HNF1B: variants seen among roughly 807,000 people sequenced by gnomAD.
The protein encoded by HNF1B is hepatocyte nuclear factor 1-beta.
A neutral mutation model predicts 61.7 loss-of-function variants in HNF1B; 8 were observed. The observed-to-expected ratio is 0.13, with a 90% CI of 0.08 to 0.23. The LOEUF is 0.23. HNF1B is among the 10% of genes least tolerant of loss of function. The pLI is 1.00. For synonymous variants in HNF1B, 314 were observed against 287.7 expected, an observed-to-expected ratio of 1.09 and a Z score of -0.93; for missense variants, 562 against 714.5, an observed-to-expected ratio of 0.79 and a Z score of 2.43.
intron 3 of HNF1B, among the ~76,000 whole-genome samples, chr17:37,732,673 A>G (rs2033721227): frequency 7.5e-6 from 1 of 134,202 alleles, no homozygotes; most frequent in African/African-American, 2.7e-5. Flanking sequence ...AAGGCTTTCC[A>G]ATCGTTTAAA....
intron 2 of HNF1B, among the ~76,000 whole-genome samples, chr17:37,736,438 C>T (rs996090792): frequency 2.0e-5 from 3 of 152,192 alleles, no homozygotes; most frequent in Non-Finnish European, 4.4e-5. Flanking sequence ...GTACAGCCAC[C>T]TCCATTTTAC....
chr17:37,738,909 C>G (rs2033910639), intron 2 of HNF1B, among the ~76,000 whole-genome samples: 1 of 152,192 alleles, frequency 6.6e-6, no homozygotes, highest in African/African-American at 2.4e-5. Flanking sequence ...CTTAAATTGC[C>G]TCAGGATTCA....
At position 37,702,064 on chromosome 17, in the gene HNF1B, C is replaced by G. The variant is rs3110619; in HGVS notation, c.1340-887G>C. ...CGGAGGAAGACAGCTAAGGTAGGAT[C>G]GGAGTGGGGACAGGACGATCAGGAG... is the stretch of plus-strand genomic sequence containing the variant. On this transcript the variant is annotated intron_variant, in intron 6 of 8. Coordinates refer to ENST00000617811, the MANE Select transcript of HNF1B (RefSeq NM_000458.4). 2.2e-3 allele frequency among the ~76,000 whole-genome samples: 332 copies of G among 152,218 alleles called. 1 individual carries two copies. The highest frequency in any genetic ancestry group is 7.8e-3 in the African/African-American group (325 of 41,530).
chr17:37,742,584 C>G (rs904914415), intron 1 of HNF1B, among the ~76,000 whole-genome samples: 7 of 152,234 alleles, frequency 4.6e-5, no homozygotes, highest in Non-Finnish European at 8.8e-5. Context: ...AGGCAGCACC[C>G]GCTCGGGACG....
chr17:37,737,557 G>A (rs2147566769), intron 2 of HNF1B, among the ~76,000 whole-genome samples: 1 of 152,246 alleles, frequency 6.6e-6, no homozygotes, highest in East Asian at 1.9e-4. Flanking sequence ...ACTGGGTGCG[G>A]TGGCTCACCC....
intron 4 of HNF1B, chr17:37,720,756 C>T: frequency 1.0e-6 from 1 of 983,552 alleles, no homozygotes; most frequent in Non-Finnish European, 1.2e-6. Context: ...GATGTTGGTA[C>T]AGCCCACAAT....
chr17:37,733,883 CA>C, intron 2 of HNF1B, 62 bp from the exon 3 acceptor site: 1 of 1,575,424 alleles, frequency 6.3e-7, no homozygotes, highest in Non-Finnish European at 8.7e-7. Context: ...GACAGACAGA[CA>C]GACAGACAGA....
In HNF1B at chr17:37,687,338, T is replaced by C; in HGVS notation, c.*34A>G. On this transcript the variant is annotated 3_prime_UTR_variant, in exon 9 of 9. Transcript: ENST00000617811. ...GTGATGGTGTGGAAAACAGGGTCCT[T>C]GTTGTTGCGCACGAAGTAAGTGGTG... 1 of 1,614,020 alleles carries C rather than the reference T, an allele frequency of 6.2e-7. No homozygotes were observed.
At chr17:37,730,831 G>A (rs989340428) in intron 4 of HNF1B, 1 of 152,908 alleles carries the variant, frequency 6.5e-6, no homozygotes, top group Non-Finnish European at 1.5e-5. Context: ...TGAAGGACCA[G>A]AAGAAGTGCT....
chr17:37,720,750 T>C (rs1459103901), intron 4 of HNF1B: 1 of 982,068 alleles, frequency 1.0e-6, no homozygotes, highest in Non-Finnish European at 1.2e-6. Context: ...GGCTCAGATG[T>C]TGGTACAGCC....
chr17:37,727,144 G>C (rs2033526261), intron 4 of HNF1B, among the ~76,000 whole-genome samples: 1 of 152,096 alleles, frequency 6.6e-6, no homozygotes, highest in Non-Finnish European at 1.5e-5. Context: ...CAAGCACCAG[G>C]CTCCAACCAG....
intron 4 of HNF1B, among the ~76,000 whole-genome samples, chr17:37,712,562 G>C (rs1045189232): frequency 6.6e-6 from 1 of 152,162 alleles, no homozygotes; most frequent in African/African-American, 2.4e-5. Context: ...GGCAGAGCTA[G>C]GTTCAATGGA....
intron 4 of HNF1B, chr17:37,731,391 A>G (rs1226844272): frequency 2.9e-6 from 2 of 682,654 alleles, no homozygotes; most frequent in African/African-American, 1.8e-5. Flanking sequence ...GAGCCCTCAC[A>G]GGGCAATGGC....
At chr17:37,697,280 T>C (rs2032417019) in intron 8 of HNF1B, among the ~76,000 whole-genome samples, 2 of 152,160 alleles carry the variant, frequency 1.3e-5, no homozygotes, top group Non-Finnish European at 2.9e-5. Context: ...GTAATAATCA[T>C]CCTCATCATC....
At position 37,704,614 on chromosome 17, in the gene HNF1B, T is replaced by C. The variant is rs564454171; in HGVS notation, c.1339+303A>G. On this transcript the variant is annotated intron_variant, in intron 6 of 8. Transcript: ENST00000617811. ...TTCATATTCACTGTCAGTTGATCAC[T>C]TTAACAACCTATTTTATAGATGAGG... Among the ~76,000 whole-genome samples the C allele has an allele frequency of 5.9e-5, 9 of 152,332 alleles. No homozygotes were observed. In the South Asian group the frequency reaches 1.9e-3, roughly 32 times the overall value.
intron 5 of HNF1B, among the ~76,000 whole-genome samples, chr17:37,710,217 AAAAC>A (rs985804447): frequency 4.6e-5 from 7 of 152,234 alleles, no homozygotes; most frequent in African/African-American, 1.2e-4. Flanking sequence ...GGCAAGCCCC[AAAAC>A]AAACAGTGTC....
chr17:37,707,429 C>A (rs1568643269), intron 5 of HNF1B, among the ~76,000 whole-genome samples: 1 of 152,184 alleles, frequency 6.6e-6, no homozygotes, highest in Non-Finnish European at 1.5e-5. Context: ...CCATTACTTT[C>A]TATTTGGCTC....
chr17:37,708,542 A>T (rs1300316856), intron 5 of HNF1B, among the ~76,000 whole-genome samples: 2 of 152,198 alleles, frequency 1.3e-5, no homozygotes. Flanking sequence ...ACCTTCAAGC[A>T]GTAAGAGCTG....
intron 4 of HNF1B, among the ~76,000 whole-genome samples, chr17:37,722,742 G>A (rs1401687941): frequency 2.0e-5 from 3 of 152,176 alleles, no homozygotes; most frequent in African/African-American, 4.8e-5. Context: ...CTATTGCGGA[G>A]GCTGCTGAAG....
Sources: allele counts gnomAD v4.1 joint callset (sites outside exome capture counted in the v4.1 genomes callset), GRCh38; gene constraint gnomAD v4.1.1; transcripts MANE v1.5; gene names NCBI Gene and HGNC (gene_info 2026-07-23, HGNC 2026-07-21).